VSIR: variants seen among roughly 807,000 people sequenced by gnomAD.
VSIR encodes V-set immunoregulatory receptor, also known as V-type immunoglobulin domain-containing suppressor of T-cell activation.
Under a neutral mutation model 31.0 loss-of-function variants are expected in VSIR, and 10 were observed. That is an observed-to-expected ratio of 0.32 (90% CI 0.20 to 0.55). The LOEUF is 0.55. Among genes scored for constraint, VSIR ranks in the 20% least tolerant of loss-of-function variants. The probability of loss-of-function intolerance (pLI) is 0.93; values close to 1 mark genes in which losing one functional copy is unlikely to be tolerated. For synonymous variants in VSIR, 179 were observed against 180.1 expected (o/e 0.99, Z 0.05); for missense variants, 356 against 416.2 (o/e 0.86, Z 1.26).
chr10:71,761,794 C>G lies in VSIR; in HGVS notation c.315G>C (p.Gln105His). ...QDLHLHHGGH[Q>H]AANTSHDLAQ... ...CCAGGTCGTGGCTGGTGTTGGCAGC[C>G]TGGTGGCCTCCATGGTGCAGGTGAA... The change falls in exon 2 of 7, where the codon CAG becomes CAC. Residue 105 changes from glutamine to histidine, a missense_variant. Gln to His is a conservative substitution (Grantham distance 24). Coordinates refer to ENST00000394957, the MANE Select transcript of VSIR (RefSeq NM_022153.2). The G allele has an allele frequency of 2.5e-6, 4 of 1,614,156 alleles. No homozygotes were observed. The highest frequency in any genetic ancestry group is 2.5e-6 in the Non-Finnish European group (3 of 1,180,036).
rs1840362665 is a variant in VSIR, at chr10:71,760,858, G to T, written c.568+10C>A. On this transcript the variant is annotated intron_variant, in intron 3 of 6. Coordinates refer to ENST00000394957, the MANE Select transcript of VSIR (RefSeq NM_022153.2). ...GAGAACCCAAAAGGGGCAAGAGGTT[G>T]GTCCCTTACTTTCACTATCCTGGGA... 1 of 1,610,912 alleles carries T rather than the reference G, an allele frequency of 6.2e-7. No individual in the cohort carries two copies. The highest frequency in any genetic ancestry group is 8.5e-7 in the Non-Finnish European group (1 of 1,177,146).
chr10:71,760,196 TAC>T (rs199901269), intron 3 of VSIR, among the ~76,000 whole-genome samples: 3 of 63,488 alleles, frequency 4.7e-5, no homozygotes, highest in African/African-American at 1.7e-4. Flanking sequence ...TATATGTATA[TAC>T]ATATATATGT....
intron 1 of VSIR, among the ~76,000 whole-genome samples, chr10:71,767,762 T>A (rs1001129358): frequency 2.6e-5 from 4 of 152,136 alleles, no homozygotes; most frequent in Admixed American, 6.5e-5. Context: ...CTCAGATGTG[T>A]TTATTGATAC....
chr10:71,753,075 G>A, intron 4 of VSIR, 73 bp from the exon 5 acceptor site: 1 of 1,556,954 alleles, frequency 6.4e-7, no homozygotes, highest in Non-Finnish European at 8.8e-7. Context: ...GCCCCTGCTG[G>A]CAGATGCCCT....
rs1202397319 is a variant in VSIR at position 71,761,733 on chromosome 10, GGTGGTCGGAGGCCGA to G, written c.361_375del (p.Ser121_His125del). On this transcript the variant is annotated inframe_deletion, in exon 2 of 7. Transcript: ENST00000394957. ...CGCATGGTGATGGAGAAGTTGCCAT[GGTGGTCGGAGGCCGA>G]CTCCAGCCCGTGGCGCTGAGCCAGG... 1 of 1,614,012 alleles carries G rather than the reference GGTGGTCGGAGGCCGA, an allele frequency of 6.2e-7. No individual in the cohort carries two copies. The highest frequency in any genetic ancestry group is 1.3e-5 in the African/African-American group (1 of 74,930).
intron 3 of VSIR, among the ~76,000 whole-genome samples, chr10:71,757,332 G>A (rs920717846): frequency 3.3e-5 from 5 of 152,160 alleles, no homozygotes; most frequent in African/African-American, 1.2e-4. Flanking sequence ...TCCCCTATGT[G>A]GACCCTCTAT....
chr10:71,749,835 G>C lies in VSIR; in HGVS notation c.*1418C>G, dbSNP rs941814167. On this transcript the variant is annotated 3_prime_UTR_variant, in exon 7 of 7. Transcript: ENST00000394957. ...CCCCCAACCCCCCAAGCAATTGGGC[G>C]AACATCTTCCCGCCTAGCCCCAAAT... 6.6e-6 allele frequency: 1 copy of C among 151,508 alleles called. No individual in the cohort carries two copies. The highest frequency in any genetic ancestry group is 2.1e-4 in the South Asian group (1 of 4,816). 9.4% of individuals were successfully genotyped at this position (151,508 alleles called of 1,614,324 possible).
At chr10:71,757,409 G>A (rs1436523160) in intron 3 of VSIR, among the ~76,000 whole-genome samples, 1 of 152,220 alleles carries the variant, frequency 6.6e-6, no homozygotes, top group Admixed American at 6.5e-5. Context: ...AGTTGAGGCT[G>A]GGGCAGAGGG....
At position 71,750,126 on chromosome 10, in the gene VSIR, C is replaced by A. The variant is rs909043467; in HGVS notation, c.*1127G>T. ...ACAATTCCACAGAGGACTCACCTTG[C>A]CTATGTGTATAAAAACAAAGCCAGG... On this transcript the variant is annotated 3_prime_UTR_variant, in exon 7 of 7. Transcript: ENST00000394957. 1 of 152,230 alleles carries A rather than the reference C, an allele frequency of 6.6e-6. No individual in the cohort carries two copies. Among genetic ancestry groups the A allele is most frequent in the African/African-American group, 2.4e-5 (1 of 41,392 alleles). The allele number at this position is 152,230 out of a possible 1,614,324, so 9.4% of individuals were successfully genotyped here.
chr10:71,759,742 G>A (rs1209018066), intron 3 of VSIR, among the ~76,000 whole-genome samples: 1 of 151,168 alleles, frequency 6.6e-6, no homozygotes, highest in Non-Finnish European at 1.5e-5. Flanking sequence ...AATCCGGGAG[G>A]CGGAGGTTGC....
Position 71,767,675 on chromosome 10 carries a change from G to A in VSIR, c.83-5649C>T, listed in dbSNP as rs117550592. ...GGCTGCCAAGGCTAAGAAAGGAAGCGTCACAAGGCATAGGCTCAGGGCCTG... is the reference window on the plus strand; with the variant it reads ...GGCTGCCAAGGCTAAGAAAGGAAGCATCACAAGGCATAGGCTCAGGGCCTG... On this transcript the variant is annotated intron_variant, in intron 1 of 6. Coordinates refer to ENST00000394957, the MANE Select transcript of VSIR (RefSeq NM_022153.2). Among the ~76,000 whole-genome samples the A allele has an allele frequency of 1.4e-4, 22 of 152,374 alleles. No homozygotes were observed. In the East Asian group the frequency reaches 4.2e-3, roughly 29 times the overall value.
intron 1 of VSIR, among the ~76,000 whole-genome samples, chr10:71,772,955 G>C (rs1840720658): frequency 6.6e-6 from 1 of 152,236 alleles, no homozygotes; most frequent in Non-Finnish European, 1.5e-5. Context: ...AGAGCCCTGA[G>C]ACTAGAGGGG....
At position 71,773,362 on chromosome 10, in the gene VSIR, G is replaced by A; in HGVS notation, c.78C>T (p.Ser26=). ...SLLFALFLAA[S]LGPVAAFKVA... The stretch of plus-strand genomic sequence containing the variant: ...CCCCGCCTCCCCCGACCTTACCTAG[G>A]GACGCAGCCAGGAAGAGAGCGAAGA... The change falls in exon 1 of 7, where the codon TCC becomes TCT. Residue 26 remains serine, a synonymous_variant. Transcript: ENST00000394957. 6.2e-7 allele frequency: 1 copy of A among 1,607,522 alleles called. No homozygotes were observed. Among genetic ancestry groups the A allele is most frequent in the Non-Finnish European group, 8.5e-7 (1 of 1,177,312 alleles).
intron 1 of VSIR, among the ~76,000 whole-genome samples, chr10:71,772,048 A>C (rs929389596): frequency 6.6e-6 from 1 of 152,144 alleles, no homozygotes; most frequent in African/African-American, 2.4e-5. Context: ...ATGCCCTGCC[A>C]TGAGCCATGG....
At chr10:71,769,649 A>G (rs1840642137) in intron 1 of VSIR, among the ~76,000 whole-genome samples, 1 of 152,194 alleles carries the variant, frequency 6.6e-6, no homozygotes, top group Non-Finnish European at 1.5e-5. Flanking sequence ...TGCACAGACA[A>G]AGGGGAAGTG....
At position 71,761,749 on chromosome 10, in the gene VSIR, C is replaced by T; in HGVS notation, c.360G>A (p.Glu120=). 6.2e-7 allele frequency: 1 copy of T among 1,614,152 alleles called. No homozygotes were observed. The highest frequency in any genetic ancestry group is 1.1e-5 in the South Asian group (1 of 91,084). The change falls in exon 2 of 7, where the codon GAG becomes GAA. Residue 120 remains glutamate (E), a synonymous_variant. Coordinates refer to ENST00000394957, the MANE Select transcript of VSIR (RefSeq NM_022153.2). ...AGTTGCCATGGTGGTCGGAGGCCGA[C>T]TCCAGCCCGTGGCGCTGAGCCAGGT... is the stretch of plus-strand genomic sequence containing the variant. ...SHDLAQRHGL[E]SASDHHGNFS...
In VSIR at chr10:71,751,422, G is replaced by A. The variant is rs527485050; in HGVS notation, c.899-132C>T. 3.8e-5 allele frequency: 16 copies of A among 419,130 alleles called. No homozygotes were observed. The highest frequency in any genetic ancestry group is 1.9e-4 in the Admixed American group (4 of 20,678). 26.0% of individuals were successfully genotyped at this position (419,130 alleles called of 1,614,324 possible). On this transcript the variant is annotated intron_variant, in intron 6 of 6. Transcript: ENST00000394957. The surrounding 1 kb of genome is among the most constrained non-coding windows in gnomAD (Gnocchi z 4.9). ...TGTCCCTCACCCTCAACCCCACCCCGTGAGGCCGTGGAACTCTTCAGGGAG... is the reference window on the plus strand; with the variant it reads ...TGTCCCTCACCCTCAACCCCACCCCATGAGGCCGTGGAACTCTTCAGGGAG...
intron 1 of VSIR, among the ~76,000 whole-genome samples, chr10:71,763,918 T>G (rs1589407189): frequency 6.6e-6 from 1 of 152,168 alleles, no homozygotes; most frequent in African/African-American, 2.4e-5. Context: ...GCGCTTGTGT[T>G]TAAAGGAGAG....
chr10:71,752,712 G>A (rs113568809), intron 5 of VSIR, among the ~76,000 whole-genome samples: 1 of 152,114 alleles, frequency 6.6e-6, no homozygotes, highest in African/African-American at 2.4e-5. Context: ...CTTCCTCCCT[G>A]TCCCCATCCT....
Sources: allele counts gnomAD v4.1 joint callset (sites outside exome capture counted in the v4.1 genomes callset), GRCh38; gene constraint gnomAD v4.1.1; non-coding constraint Gnocchi (gnomAD v3.1); transcripts MANE v1.5; gene names NCBI Gene and HGNC (gene_info 2026-07-23, HGNC 2026-07-21).